PPARGC1A: variants seen among roughly 807,000 people sequenced by gnomAD.
The protein encoded by PPARGC1A is PPARG coactivator 1 alpha, also known as peroxisome proliferator-activated receptor gamma coactivator 1-alpha.
A neutral mutation model predicts 88.7 loss-of-function variants in PPARGC1A; 25 were observed. The ratio of observed to expected loss-of-function variants is 0.28; its 90% CI spans 0.21 to 0.39. The LOEUF (loss-of-function observed/expected upper bound fraction) is 0.39. Ranked by LOEUF, PPARGC1A falls within the 10% of genes least tolerant of loss-of-function variation. The pLI, the probability that PPARGC1A is intolerant of heterozygous loss-of-function variation, is 1.00. For missense variants in PPARGC1A, 880 were observed against 968.7 expected, an observed-to-expected ratio of 0.91 and a Z score of 1.22; for synonymous variants, 363 against 355.6, an observed-to-expected ratio of 1.02 and a Z score of -0.24.
chr4:24,365,809 A>G, the PPARGC1A span, among the ~76,000 whole-genome samples: 12 of 152,086 alleles, frequency 7.9e-5, no homozygotes, highest in East Asian at 1.9e-4. Context: ...TTTTGTTGCT[A>G]ATCACAGGAT....
chr4:24,220,537 C>T, the PPARGC1A span, among the ~76,000 whole-genome samples: 2 of 152,280 alleles, frequency 1.3e-5, no homozygotes, highest in East Asian at 3.9e-4. Flanking sequence ...GAATACCACA[C>T]AGCCATAAAA....
At chr4:24,256,662 G>A in the PPARGC1A span, among the ~76,000 whole-genome samples, 1 of 152,120 alleles carries the variant, frequency 6.6e-6, no homozygotes, top group South Asian at 2.1e-4. Flanking sequence ...GTCTACAGGA[G>A]GCAAGCAGAT....
chr4:24,063,941 G>A, the PPARGC1A span, among the ~76,000 whole-genome samples: 4 of 152,110 alleles, frequency 2.6e-5, no homozygotes, highest in East Asian at 5.8e-4. Flanking sequence ...CAGGGGGCCC[G>A]CCTGGCAGTC....
chr4:24,140,227 G>C, the PPARGC1A span, among the ~76,000 whole-genome samples: 9 of 152,298 alleles, frequency 5.9e-5, 1 homozygote, highest in African/African-American at 1.9e-4. Context: ...GTGGGGTGGA[G>C]GGCCAGGACT....
At chr4:24,435,822 A>G in the PPARGC1A span, among the ~76,000 whole-genome samples, 1 of 152,352 alleles carries the variant, frequency 6.6e-6, no homozygotes, top group Admixed American at 6.5e-5. Context: ...ACAGCATATA[A>G]GTAGGCAAAA....
intron 2 of PPARGC1A, among the ~76,000 whole-genome samples, chr4:23,837,430 CAAG>C (rs1726222046): frequency 1.3e-5 from 2 of 149,472 alleles, no homozygotes; most frequent in Admixed American, 1.3e-4. Context: ...GAGAATTCTT[CAAG>C]AAGGTGTTCA....
At chr4:24,182,162 A>C in the PPARGC1A span, among the ~76,000 whole-genome samples, 1 of 152,066 alleles carries the variant, frequency 6.6e-6, no homozygotes, top group South Asian at 2.1e-4. Flanking sequence ...TCCCACCCCG[A>C]CAGGCTTCGG....
At chr4:24,043,049 C>T in the PPARGC1A span, among the ~76,000 whole-genome samples, 6 of 152,290 alleles carry the variant, frequency 3.9e-5, no homozygotes, top group South Asian at 4.2e-4. Context: ...TGTCAGGAAG[C>T]TACCAATTTT....
At chr4:24,449,844 T>A in the PPARGC1A span, among the ~76,000 whole-genome samples, 1 of 152,220 alleles carries the variant, frequency 6.6e-6, no homozygotes, top group African/African-American at 2.4e-5. Flanking sequence ...ATAATTGGAT[T>A]GTATTTTCTG....
At chr4:24,233,806 A>G in the PPARGC1A span, among the ~76,000 whole-genome samples, 1 of 152,314 alleles carries the variant, frequency 6.6e-6, no homozygotes, top group East Asian at 1.9e-4. Flanking sequence ...AAAAAGTTAA[A>G]GCGCTTACAA....
the PPARGC1A span, among the ~76,000 whole-genome samples, chr4:24,262,905 A>G: frequency 6.6e-6 from 1 of 152,168 alleles, no homozygotes; most frequent in African/African-American, 2.4e-5. Flanking sequence ...CAGACTTGGT[A>G]GCTGGCTCTG....
the PPARGC1A span, among the ~76,000 whole-genome samples, chr4:24,171,553 G>A: frequency 2.6e-5 from 4 of 151,932 alleles, no homozygotes; most frequent in African/African-American, 4.8e-5. Flanking sequence ...TCTAGAGAAC[G>A]GACTCCATGA....
chr4:23,964,863 C>G, the PPARGC1A span, among the ~76,000 whole-genome samples: 1 of 152,164 alleles, frequency 6.6e-6, no homozygotes. Context: ...TTTCAATAGT[C>G]TTGATCTGAT....
At chr4:24,224,621 G>A in the PPARGC1A span, among the ~76,000 whole-genome samples, 1 of 152,164 alleles carries the variant, frequency 6.6e-6, no homozygotes, top group African/African-American at 2.4e-5. Flanking sequence ...AGAAAGCATT[G>A]AACAAAACAG....
chr4:23,819,607 T>C (rs975398019), intron 7 of PPARGC1A, among the ~76,000 whole-genome samples: 1 of 152,130 alleles, frequency 6.6e-6, no homozygotes, highest in Non-Finnish European at 1.5e-5. Flanking sequence ...TTGCTATCCT[T>C]GGCTTACAAG....
At chr4:24,243,581 T>C in the PPARGC1A span, among the ~76,000 whole-genome samples, 1 of 152,196 alleles carries the variant, frequency 6.6e-6, no homozygotes, top group Non-Finnish European at 1.5e-5. Flanking sequence ...AAGGAGAGTG[T>C]CATGGCAAAT....
the PPARGC1A span, among the ~76,000 whole-genome samples, chr4:24,048,705 G>A: frequency 1.3e-5 from 2 of 152,046 alleles, no homozygotes; most frequent in African/African-American, 4.8e-5. Context: ...TGGACTTTAC[G>A]AAGAAGGTAA....
chr4:24,410,467 C>G, the PPARGC1A span, among the ~76,000 whole-genome samples: 1 of 152,176 alleles, frequency 6.6e-6, no homozygotes. Context: ...CTCCTGCCCC[C>G]ACCAACTAAT....
the PPARGC1A span, among the ~76,000 whole-genome samples, chr4:23,910,344 T>C: frequency 1.8e-5 from 1 of 56,722 alleles, no homozygotes; most frequent in Non-Finnish European, 2.7e-5. Flanking sequence ...ATATATATTA[T>C]ATATTATATA....
Sources: gnomAD v4.1 joint callset for allele counts (sites outside exome capture counted in the v4.1 genomes callset) on GRCh38, gnomAD v4.1.1 for gene constraint, MANE v1.5 for transcripts, NCBI Gene and HGNC (gene_info 2026-07-23, HGNC 2026-07-21) for gene names.